The following CFAP54 variants were observed in gnomAD, a reference collection of about 807,000 sequenced individuals.
The protein encoded by CFAP54 is cilia and flagella associated protein 54.
A neutral mutation model predicts 370.4 loss-of-function variants in CFAP54; 290 were observed. The observed-to-expected ratio is 0.78, with a 90% confidence interval of 0.71 to 0.86. The LOEUF (loss-of-function observed/expected upper bound fraction) is 0.86. CFAP54 is among the 40% of genes least tolerant of loss of function. The pLI, the probability that CFAP54 is intolerant of heterozygous loss-of-function variation, is 0.00. For synonymous variants in CFAP54, 1,206 were observed against 1,236.5 expected, an observed-to-expected ratio of 0.98 and a Z score of 0.52; for missense variants, 3,399 against 3,528.7, an observed-to-expected ratio of 0.96 and a Z score of 0.93.
At chr12:96,560,804 C>T (rs913630132) in intron 17 of CFAP54, among the ~76,000 whole-genome samples, 3 of 152,170 alleles carry the variant, frequency 2.0e-5, no homozygotes, top group Non-Finnish European at 2.9e-5. Flanking sequence ...GAATGAATAT[C>T]CTGTTCCCCA....
At chr12:96,810,163 A>G (rs1373143901) in intron 63 of CFAP54, among the ~76,000 whole-genome samples, 2 of 150,902 alleles carry the variant, frequency 1.3e-5, no homozygotes, top group South Asian at 2.1e-4. Context: ...AAGGTACCTG[A>G]GCCTCCAGTT....
At chr12:96,790,214 G>A (rs1184742515) in intron 62 of CFAP54, among the ~76,000 whole-genome samples, 1 of 152,120 alleles carries the variant, frequency 6.6e-6, no homozygotes. Context: ...TGCTTGGACT[G>A]TATGCTTGAA....
chr12:96,744,830 T>A (rs1958094342), intron 55 of CFAP54, among the ~76,000 whole-genome samples: 1 of 152,176 alleles, frequency 6.6e-6, no homozygotes, highest in Non-Finnish European at 1.5e-5. Flanking sequence ...TCATTGGCCA[T>A]TCTTCCTGAT....
intron 63 of CFAP54, among the ~76,000 whole-genome samples, chr12:96,800,052 C>T (rs1246183442): frequency 2.6e-5 from 4 of 152,034 alleles, no homozygotes; most frequent in Admixed American, 6.6e-5. Flanking sequence ...AATACATAGT[C>T]GGGAAACAGA....
In CFAP54 at chr12:96,717,564, T is replaced by C. The variant is rs370322009; in HGVS notation, c.6725-879T>C. On this transcript the variant is annotated intron_variant, in intron 48 of 67. Transcript: ENST00000524981. ...TCTCTCCCACAGTCTAGAAGCCCAG[T>C]TGAATGAAGCAGGCAAAGACTGTGA... 2.2e-3 allele frequency among the ~76,000 whole-genome samples: 339 copies of C among 152,360 alleles called. 1 individual carries two copies. Among genetic ancestry groups the C allele is most frequent in the African/African-American group, 7.9e-3 (327 of 41,592 alleles).
At chr12:96,564,864 T>G (rs1452747343) in intron 19 of CFAP54, 99 bp downstream of exon 19, 2 of 481,416 alleles carry the variant, frequency 4.2e-6, no homozygotes, top group Non-Finnish European at 7.2e-6. Context: ...GCCCTTAACA[T>G]TTAATTATGA....
intron 55 of CFAP54, among the ~76,000 whole-genome samples, chr12:96,752,843 C>T (rs904637002): frequency 6.6e-6 from 1 of 152,184 alleles, no homozygotes; most frequent in Non-Finnish European, 1.5e-5. Context: ...AGAGTGTGGG[C>T]CCTGGAGCCA....
chr12:96,691,255 T>C lies in CFAP54; in HGVS notation c.6209T>C (p.Ile2070Thr), dbSNP rs1957385075. The C allele has an allele frequency of 6.2e-7, 1 of 1,612,352 alleles. No homozygotes were observed. The highest frequency in any genetic ancestry group is 8.5e-7 in the Non-Finnish European group (1 of 1,179,346). ...TACAGGGCTGACATTTGCTCTGTAATTGCAAGTCTGTATTACATTATACGT... is the reference window on the plus strand; with the variant it reads ...TACAGGGCTGACATTTGCTCTGTAACTGCAAGTCTGTATTACATTATACGT... ...DRYRADICSV[I>T]ASLYYIIREL... The change falls in exon 44 of 68, where the codon ATT (isoleucine) becomes ACT (threonine). Residue 2070 changes from isoleucine to threonine, a missense_variant. By Grantham distance (89) the Ile-to-Thr change is moderately conservative. Coordinates refer to ENST00000524981, the MANE Select transcript of CFAP54 (RefSeq NM_001306084.2).
intron 12 of CFAP54, 26 bp downstream of exon 12, chr12:96,535,626 T>G (rs1466690201): frequency 6.8e-7 from 1 of 1,476,590 alleles, no homozygotes; most frequent in Non-Finnish European, 9.1e-7. Flanking sequence ...TAAATAATTT[T>G]TATTAGTGTG....
At chr12:96,826,930 A>C (rs1959121003) in intron 65 of CFAP54, among the ~76,000 whole-genome samples, 1 of 129,528 alleles carries the variant, frequency 7.7e-6, no homozygotes, top group South Asian at 2.3e-4. Flanking sequence ...GATTATATAT[A>C]ATATGCAATT....
Position 96,621,621 on chromosome 12 carries a change from C to T in CFAP54, c.3671C>T (p.Ala1224Val). The part of the protein sequence containing the change: ...ILRSWREYDL[A>V]VMIINYGKKM... ...CGTTCATGGAGGGAATATGACCTGG[C>T]AGTAATGATTATAAATTATGGGAAA... Residue 1224 changes from alanine (A) to valine (V), a missense_variant, in exon 27 of 68, where the codon GCA becomes GTA. Physicochemically the swap from Ala to Val is moderately conservative, Grantham distance 64 (BLOSUM62 0). This residue lies in a region of CFAP54 where 2,796 missense variants were observed against 2,869.7 expected (regional missense o/e 0.97). Transcript: ENST00000524981. The T allele has an allele frequency of 6.7e-7, 1 of 1,503,684 alleles. No homozygotes were observed. Among genetic ancestry groups the T allele is most frequent in the Non-Finnish European group, 8.9e-7 (1 of 1,121,918 alleles). The allele number at this position is 1,503,684 out of a possible 1,614,324, so 93.1% of individuals were successfully genotyped here.
At chr12:96,720,628 T>C (rs1592724531) in intron 50 of CFAP54, 63 bp downstream of exon 50, 1 of 1,191,854 alleles carries the variant, frequency 8.4e-7, no homozygotes, top group African/African-American at 1.6e-5. Flanking sequence ...CCTAGTTTAT[T>C]AAATAGACTT....
chr12:96,651,095 G>A (rs1374993817), intron 35 of CFAP54, among the ~76,000 whole-genome samples: 1 of 152,198 alleles, frequency 6.6e-6, no homozygotes, highest in Non-Finnish European at 1.5e-5. Flanking sequence ...TCATCAGAGA[G>A]GACTTCTTTC....
intron 2 of CFAP54, 55 bp downstream of exon 2, chr12:96,500,994 T>TA: frequency 9.2e-7 from 1 of 1,090,006 alleles, no homozygotes; most frequent in Non-Finnish European, 1.3e-6. Context: ...TAATTATTAT[T>TA]ACAGTATTTA....
intron 65 of CFAP54, 24 bp downstream of exon 65, chr12:96,817,937 T>A: frequency 7.0e-7 from 1 of 1,420,948 alleles, no homozygotes; most frequent in Non-Finnish European, 9.3e-7. Flanking sequence ...TAATGGAAAA[T>A]GACATTGCTA....
intron 50 of CFAP54, among the ~76,000 whole-genome samples, chr12:96,733,255 G>A (rs1957941971): frequency 6.6e-6 from 1 of 152,148 alleles, no homozygotes; most frequent in African/African-American, 2.4e-5. Flanking sequence ...TTTCTCATGT[G>A]AACTTTACCC....
At position 96,771,008 on chromosome 12, in the gene CFAP54, T is replaced by G. The variant is rs12579679; in HGVS notation, c.8281+5790T>G. On this transcript the variant is annotated intron_variant, in intron 60 of 67. Transcript: ENST00000524981. ...CTCTGCCCTTCGCAATCCAAACACA[T>G]TAACAGTGGTGGGTAAATAGTACAA... 8.4e-3 allele frequency among the ~76,000 whole-genome samples: 1,285 copies of G among 152,302 alleles called. 54 individuals are homozygous for G. In the East Asian group the frequency reaches 0.097, roughly 11 times the overall value.
intron 32 of CFAP54, among the ~76,000 whole-genome samples, chr12:96,631,066 CT>C (rs771006789): frequency 3.8e-4 from 57 of 151,758 alleles, no homozygotes; most frequent in Middle Eastern, 3.4e-3. Context: ...CTTATACATT[CT>C]TTATATATCT....
At chr12:96,608,998 G>A (rs78729223) in intron 26 of CFAP54, among the ~76,000 whole-genome samples, 3,012 of 152,222 alleles carry the variant, frequency 0.02, 59 homozygotes, top group African/African-American at 0.053. Flanking sequence ...TAAAAAGTTA[G>A]GTTCAAATGT....
Sources: allele counts gnomAD v4.1 joint callset (sites outside exome capture counted in the v4.1 genomes callset), GRCh38; gene constraint gnomAD v4.1.1; regional missense constraint gnomAD v4.1.1; transcripts MANE v1.5; gene names NCBI Gene and HGNC (gene_info 2026-07-23, HGNC 2026-07-21).